Variants in C5 observed in about 807,000 individuals in gnomAD.
The protein encoded by C5 is C3 and PZP-like alpha-2-macroglobulin domain-containing protein 4.
Under a neutral mutation model 218.8 loss-of-function variants are expected in C5, and 140 were observed. The observed-to-expected ratio is 0.64, with a 90% CI of 0.56 to 0.74. C5 has a LOEUF of 0.74. C5 is among the 30% of genes least tolerant of loss of function. The probability of loss-of-function intolerance (pLI) is 0.00; values close to 1 mark genes in which losing one functional copy is unlikely to be tolerated. For missense variants in C5, 1,700 were observed against 1,969.6 expected (o/e 0.86, Z 2.59); for synonymous variants, 614 against 682.3 (o/e 0.90, Z 1.56).
chr9:121,026,808 G>C (rs1249658712), intron 8 of C5, among the ~76,000 whole-genome samples: 1 of 152,012 alleles, frequency 6.6e-6, no homozygotes, highest in Non-Finnish European at 1.5e-5. Context: ...AGAATGAGAA[G>C]GAATTAGCCA....
chr9:120,999,939 A>G (rs1246594999), intron 20 of C5: 3 of 447,636 alleles, frequency 6.7e-6, no homozygotes, highest in Admixed American at 4.8e-5. Flanking sequence ...TGTGCCTGTA[A>G]TCCCAGCTAC....
chr9:121,016,341 C>T lies in C5; in HGVS notation c.1909G>A (p.Gly637Ser). The change falls in exon 15 of 41, where the codon GGT (glycine) becomes AGT (serine). Residue 637 changes from glycine (G) to serine (S), a missense_variant. Gly to Ser is a moderately conservative substitution (Grantham distance 56). Transcript: ENST00000223642. Reference protein sequence around the residue: ...LEKSDLGCGAGGGLNNANVFH... With the variant: ...LEKSDLGCGASGGLNNANVFH... ...ACATTGGCATTGTTGAGGCCACCAC[C>T]TGCCCCACAGCCCAGATCACTCTTC... 1.2e-6 allele frequency: 2 copies of T among 1,614,106 alleles called. No individual in the cohort carries two copies. The highest frequency in any genetic ancestry group is 1.7e-6 in the Non-Finnish European group (2 of 1,179,956).
At chr9:121,024,239 GA>G (rs1564156417) in intron 9 of C5, among the ~76,000 whole-genome samples, 1 of 4,190 alleles carries the variant, frequency 2.4e-4, no homozygotes, top group African/African-American at 1.6e-3. Context: ...GAGGGGAGGG[GA>G]GGGGGGAGGG....
In C5 at chr9:121,050,243, C is replaced by T. The variant is rs756642354; in HGVS notation, c.4G>A (p.Gly2Ser). M[G>S]LLGILCFLIF... ...AAAAAACAAAGTATTCCCAAAAGGC[C>T]CATGGTTGGAGGTAGCAGGAAACCA... The change falls in exon 1 of 41, where the codon GGC becomes AGC. Residue 2 changes from glycine to serine, a missense_variant. By Grantham distance (56) the Gly-to-Ser change is moderately conservative (BLOSUM62 0). Coordinates refer to ENST00000223642, the MANE Select transcript of C5 (RefSeq NM_001735.3). 1 of 1,613,578 alleles carries T rather than the reference C, an allele frequency of 6.2e-7. No individual in the cohort carries two copies. The highest frequency in any genetic ancestry group is 1.7e-5 in the Admixed American group (1 of 60,018).
intron 4 of C5, among the ~76,000 whole-genome samples, chr9:121,035,503 T>G (rs768601625): frequency 2.5e-4 from 38 of 152,134 alleles, no homozygotes; most frequent in Non-Finnish European, 5.1e-4. Context: ...GGACTACACA[T>G]GGGGGTCCAA....
chr9:120,974,982 C>T, intron 29 of C5, 51 bp from the exon 30 acceptor site: 1 of 1,600,686 alleles, frequency 6.2e-7, no homozygotes, highest in Non-Finnish European at 8.6e-7. Context: ...TTTATGTACT[C>T]CCTATTTACA....
intron 32 of C5, 45 bp from the exon 33 acceptor site, chr9:120,969,163 A>C: frequency 6.6e-7 from 1 of 1,519,648 alleles, no homozygotes; most frequent in Non-Finnish European, 9.1e-7. Flanking sequence ...ATAAGAGTAA[A>C]CTGTTTTCAG....
Position 121,021,699 on chromosome 9 carries a change from T to C in C5, c.1117-5A>G. The C allele has an allele frequency of 1.2e-6, 2 of 1,611,780 alleles. No individual in the cohort carries two copies. The highest frequency in any genetic ancestry group is 1.1e-5 in the South Asian group (1 of 91,034). On this transcript the variant is annotated splice_polypyrimidine_tract_variant and splice_region_variant and intron_variant, in intron 10 of 40. Coordinates refer to ENST00000223642, the MANE Select transcript of C5 (RefSeq NM_001735.3). Reference sequence around the variant, plus strand: ...AAGCGAATCTTTAACCTGCACCTGTTTGTCAAAACAATCCAAATCTATTTC... The same window carrying C: ...AAGCGAATCTTTAACCTGCACCTGTCTGTCAAAACAATCCAAATCTATTTC...
In C5 at chr9:121,030,481, G is replaced by C; in HGVS notation, c.674C>G (p.Pro225Arg). 3 of 1,542,118 alleles carry C rather than the reference G, an allele frequency of 1.9e-6. No individual in the cohort carries two copies. Among genetic ancestry groups the C allele is most frequent in the Non-Finnish European group, 2.6e-6 (3 of 1,138,012 alleles). The change falls in exon 7 of 41, where the codon CCA becomes CGA. Residue 225 changes from proline to arginine, a missense_variant. Transcript: ENST00000223642. ...TGGCTCGATTGAGACAGAAAAATGT[G>C]GCAAGACTGAAAATAAAAACAAACA... is the stretch of plus-strand genomic sequence containing the variant. ...AYFEVKEYVL[P>R]HFSVSIEPEY...
the C5 span, among the ~76,000 whole-genome samples, chr9:121,069,528 CTTTT>C: frequency 7.0e-6 from 1 of 143,288 alleles, no homozygotes; most frequent in Non-Finnish European, 1.5e-5. Context: ...AAAAGAAACT[CTTTT>C]TTTTTTTTTT....
intron 28 of C5, among the ~76,000 whole-genome samples, chr9:120,978,066 A>G (rs1171430128): frequency 6.6e-6 from 1 of 152,166 alleles, no homozygotes; most frequent in African/African-American, 2.4e-5. Context: ...AGGAAAATTT[A>G]CATCCTGGAA....
At chr9:121,074,780 A>ACCGCATCCCGTCGGCC in the C5 span, 1 of 454,434 alleles carries the variant, frequency 2.2e-6, no homozygotes, top group South Asian at 1.6e-5. Flanking sequence ...AGGCGAAGGC[A>ACCGCATCCCGTCGGCC]CCGCATCCCG....
chr9:121,063,809 C>G, the C5 span, among the ~76,000 whole-genome samples: 1 of 151,968 alleles, frequency 6.6e-6, no homozygotes, highest in Non-Finnish European at 1.5e-5. Flanking sequence ...ACCCTTTAAC[C>G]CTATGAAATA....
chr9:121,026,907 T>C (rs2131788309), intron 8 of C5, among the ~76,000 whole-genome samples: 1 of 151,956 alleles, frequency 6.6e-6, no homozygotes, highest in East Asian at 1.9e-4. Flanking sequence ...AAGAGAGACT[T>C]TGGTCAGTTA....
the C5 span, among the ~76,000 whole-genome samples, chr9:121,060,456 C>T: frequency 6.6e-6 from 1 of 152,238 alleles, no homozygotes; most frequent in East Asian, 1.9e-4. Flanking sequence ...ATCACATAAA[C>T]ATTTATGGAG....
chr9:120,966,905 A>C (rs1410600137), intron 33 of C5, among the ~76,000 whole-genome samples: 1 of 151,996 alleles, frequency 6.6e-6, no homozygotes, highest in Non-Finnish European at 1.5e-5. Context: ...GCTGGGAGGG[A>C]GGCAGGGAGA....
chr9:121,007,968 G>A (rs926496306), intron 18 of C5, among the ~76,000 whole-genome samples: 14 of 152,118 alleles, frequency 9.2e-5, no homozygotes, highest in Admixed American at 2.0e-4. Flanking sequence ...AGTATGGCTC[G>A]AGGACTCAGC....
intron 14 of C5, 56 bp downstream of exon 14, chr9:121,017,306 C>G: frequency 3.7e-6 from 6 of 1,603,258 alleles, no homozygotes; most frequent in Non-Finnish European, 5.1e-6. Context: ...TCCTCCATAT[C>G]CTAGCCTGGT....
chr9:121,035,648 C>A (rs1054453584), intron 4 of C5, among the ~76,000 whole-genome samples: 2 of 151,660 alleles, frequency 1.3e-5, no homozygotes, highest in Non-Finnish European at 2.9e-5. Context: ...TAGCTCACTG[C>A]AGCTTTGAAC....
Sources: allele counts gnomAD v4.1 joint callset (sites outside exome capture counted in the v4.1 genomes callset), GRCh38; gene constraint gnomAD v4.1.1; transcripts MANE v1.5; gene names NCBI Gene and HGNC (gene_info 2026-07-23, HGNC 2026-07-21).